The following RCOR2 variants were observed in gnomAD, a reference collection of about 807,000 sequenced individuals.
RCOR2 encodes the protein REST corepressor 2.
In RCOR2, 19 loss-of-function variants were observed where a neutral mutation model predicts 58.9. That is an observed-to-expected ratio of 0.32 (90% CI 0.23 to 0.47). The LOEUF is 0.47. Ranked by LOEUF, RCOR2 falls within the 20% of genes least tolerant of loss-of-function variation. RCOR2 has a pLI of 1.00. For synonymous variants in RCOR2, 286 were observed against 278.7 expected, an observed-to-expected ratio of 1.03 and a Z score of -0.26; for missense variants, 590 against 707.9, an observed-to-expected ratio of 0.83 and a Z score of 1.89.
intron 3 of RCOR2, 27 bp downstream of exon 3, chr11:63,915,151 C>G: frequency 2.6e-6 from 4 of 1,546,252 alleles, no homozygotes; most frequent in African/African-American, 1.4e-5. Context: ...CCCAAGCCCC[C>G]ACCTCCCAGG....
rs2134249262 is a variant in RCOR2 at position 63,916,730 on chromosome 11, T to C, written c.-274A>G. On this transcript the variant is annotated 5_prime_UTR_variant, in exon 1 of 12. Coordinates refer to ENST00000301459, the MANE Select transcript of RCOR2 (RefSeq NM_173587.4). ...CGCAAGGTCCGGTGCGGCTGGGGCG[T>C]GATTACTATGTACGCCCCTCAGGGT... The C allele has an allele frequency of 2.0e-6, 1 of 488,612 alleles. No homozygotes were observed. The highest frequency in any genetic ancestry group is 3.6e-6 in the Non-Finnish European group (1 of 277,140). 30.3% of individuals were successfully genotyped at this position (488,612 alleles called of 1,614,324 possible). A position where few individuals can be genotyped will look rare whatever the true frequency, so the allele number is the denominator to read the frequency against.
rs181079510 is a variant in RCOR2 at position 63,915,855 on chromosome 11, T to C, written c.128-244A>G. The stretch of plus-strand genomic sequence containing the variant: ...CTGGAGGGTGGACAAGGGGACAGTT[T>C]TAGAGCCCAGGCCAAGCAGGGTGCT... On this transcript the variant is annotated intron_variant, in intron 1 of 11. Transcript: ENST00000301459. Among the ~76,000 whole-genome samples, 6 of 152,282 alleles carry C rather than the reference T, an allele frequency of 3.9e-5. No individual in the cohort carries two copies. In the East Asian group the frequency reaches 1.2e-3, roughly 29 times the overall value.
intron 9 of RCOR2, 35 bp from the exon 10 acceptor site, chr11:63,912,768 A>G: frequency 6.2e-7 from 1 of 1,612,002 alleles, no homozygotes; most frequent in South Asian, 1.1e-5. Context: ...CTTTAGACTC[A>G]AAACCATGCA....
rs951974006 is a variant in RCOR2 at position 63,916,688 on chromosome 11, G to C, written c.-232C>G. 3.2e-6 allele frequency: 2 copies of C among 621,488 alleles called. No homozygotes were observed. Among genetic ancestry groups the C allele is most frequent in the Non-Finnish European group, 5.4e-6 (2 of 372,580 alleles). 38.5% of individuals were successfully genotyped at this position (621,488 alleles called of 1,614,324 possible). A position where few individuals can be genotyped will look rare whatever the true frequency, so the allele number is the denominator to read the frequency against. ...GTCAGAAAAGTTTGTGCAGAAGTGG[G>C]GGACGCAAGGGATGAGCGCAAGGTC... On this transcript the variant is annotated 5_prime_UTR_variant, in exon 1 of 12. Transcript: ENST00000301459.
chr11:63,915,798 G>A (rs1941848746), intron 1 of RCOR2, among the ~76,000 whole-genome samples, 187 bp from the exon 2 acceptor site: 1 of 152,198 alleles, frequency 6.6e-6, no homozygotes, highest in Non-Finnish European at 1.5e-5. Context: ...ACTGGAAGAG[G>A]AAAAGACCCT....
upstream of RCOR2, among the ~76,000 whole-genome samples, chr11:63,921,682 TAAC>T (rs1431992190): frequency 1.3e-5 from 2 of 151,918 alleles, no homozygotes; most frequent in Admixed American, 6.6e-5. Context: ...TGGAATGGAG[TAAC>T]AACATCAATG....
chr11:63,914,149 CA>C lies in RCOR2; in HGVS notation c.695del (p.Leu232ArgfsTer34). ...PKREPLPSRP[L>X]NARPGPGKKE... is the part of the protein sequence containing the mutation. ...TTTTCCCAGGGCCTGGGCGTGCATT[CA>C]GGGGCCGAGAGGGTAGAGGCTGCCA... On this transcript the variant is annotated frameshift_variant, in exon 8 of 12. Coordinates refer to ENST00000301459, the MANE Select transcript of RCOR2 (RefSeq NM_173587.4). LOFTEE classifies it high-confidence loss of function. 6.2e-7 allele frequency: 1 copy of C among 1,613,820 alleles called. No homozygotes were observed. Among genetic ancestry groups the C allele is most frequent in the Non-Finnish European group, 8.5e-7 (1 of 1,179,986 alleles).
chr11:63,921,051 A>C (rs1189095745), upstream of RCOR2, among the ~76,000 whole-genome samples: 6 of 152,228 alleles, frequency 3.9e-5, no homozygotes, highest in Admixed American at 3.9e-4. Flanking sequence ...AGGATGCAGC[A>C]GACCAGGCGC....
rs1399748298 is a variant in RCOR2 at position 63,916,533 on chromosome 11, G to A, written c.-77C>T. The A allele has an allele frequency of 4.0e-6, 6 of 1,513,038 alleles. No homozygotes were observed. The highest frequency in any genetic ancestry group is 5.3e-6 in the Non-Finnish European group (6 of 1,133,010). The allele number at this position is 1,513,038 out of a possible 1,614,324, so 93.7% of individuals were successfully genotyped here. On this transcript the variant is annotated 5_prime_UTR_variant, in exon 1 of 12. Coordinates refer to ENST00000301459, the MANE Select transcript of RCOR2 (RefSeq NM_173587.4). Reference sequence around the variant, plus strand: ...GGTTGCCGCACTCGCTCCGAGTGCCGAGCCCGGCCCGGCCTGGAGAGGTCG... The same window carrying A: ...GGTTGCCGCACTCGCTCCGAGTGCCAAGCCCGGCCCGGCCTGGAGAGGTCG...
chr11:63,914,908 A>G lies in RCOR2; in HGVS notation c.312T>C (p.Ile104=). 1 of 1,613,812 alleles carries G rather than the reference A, an allele frequency of 6.2e-7. No individual in the cohort carries two copies. The highest frequency in any genetic ancestry group is 1.1e-5 in the South Asian group (1 of 91,084). ...AMAKEKHGYN[I]EQALGMLLWH... is the part of the protein sequence containing the mutation. ...CCTGGGGGCCAAGGCTCACCTGCTCAATGTTGTAGCCATGCTTCTCCTTGG... is the reference window on the plus strand; with the variant it reads ...CCTGGGGGCCAAGGCTCACCTGCTCGATGTTGTAGCCATGCTTCTCCTTGG... Residue 104 remains isoleucine (I), a synonymous_variant, in exon 4 of 12, where the codon ATT becomes ATC. Transcript: ENST00000301459.
chr11:63,920,768 G>A (rs557175470), upstream of RCOR2, among the ~76,000 whole-genome samples: 8 of 152,148 alleles, frequency 5.3e-5, no homozygotes, highest in African/African-American at 1.9e-4. Flanking sequence ...ACAGGAATTC[G>A]GTTCCTCCCT....
intron 7 of RCOR2, 43 bp from the exon 8 acceptor site, chr11:63,914,212 GA>G (rs1476594593): frequency 6.2e-7 from 1 of 1,613,224 alleles, no homozygotes; most frequent in East Asian, 2.2e-5. Context: ...CAGAGCCAGA[GA>G]GAGGCAAGAG....
At chr11:63,915,058 G>A (rs781313812) in intron 3 of RCOR2, 104 bp from the exon 4 acceptor site, 15 of 1,541,378 alleles carry the variant, frequency 9.7e-6, no homozygotes, top group Middle Eastern at 1.7e-4. Context: ...CCCTGAACAC[G>A]AGCCCCAGGG....
chr11:63,923,335 A>C, the RCOR2 span, among the ~76,000 whole-genome samples: 1 of 148,736 alleles, frequency 6.7e-6, no homozygotes, highest in African/African-American at 2.5e-5. Context: ...CCCACTCCCA[A>C]CCCTCCCTTC....
At chr11:63,915,452 C>G in intron 2 of RCOR2, 103 bp downstream of exon 2, 1 of 1,309,222 alleles carries the variant, frequency 7.6e-7, no homozygotes, top group South Asian at 1.3e-5. Context: ...CCCTGCCAGC[C>G]TGCCCTTCCA....
upstream of RCOR2, among the ~76,000 whole-genome samples, chr11:63,919,360 G>C (rs1420357989): frequency 6.6e-6 from 1 of 152,022 alleles, no homozygotes; most frequent in Non-Finnish European, 1.5e-5. Context: ...AAGGACAAGG[G>C]GCCCCGGCCG....
In RCOR2 at chr11:63,916,616, C is replaced by T; in HGVS notation, c.-160G>A. The T allele has an allele frequency of 7.9e-6, 10 of 1,267,528 alleles. No individual in the cohort carries two copies. The highest frequency in any genetic ancestry group is 1.1e-5 in the Non-Finnish European group (10 of 949,682). 78.5% of individuals were successfully genotyped at this position (1,267,528 alleles called of 1,614,324 possible). On this transcript the variant is annotated 5_prime_UTR_variant, in exon 1 of 12. Transcript: ENST00000301459. ...TGGCTAGGGTCCGGCGGGGTGGGAGCCCACCTGGTAGCCCCAGCGCTCTCC... is the reference window on the plus strand; with the variant it reads ...TGGCTAGGGTCCGGCGGGGTGGGAGTCCACCTGGTAGCCCCAGCGCTCTCC...
At chr11:63,917,358 C>G (rs1177642021), upstream of RCOR2, among the ~76,000 whole-genome samples, 2 of 152,128 alleles carry the variant, frequency 1.3e-5, no homozygotes, top group Non-Finnish European at 2.9e-5. Flanking sequence ...GGGGGCTCCC[C>G]TCGCGTCCCT....
Position 63,913,491 on chromosome 11 carries a change from A to ATTTTTTTTTTTTTTT in RCOR2, c.891+462_891+463insAAAAAAAAAAAAAAA, listed in dbSNP as rs775816114. Among the ~76,000 whole-genome samples the ATTTTTTTTTTTTTTT allele has an allele frequency of 4.6e-4, 58 of 126,714 alleles. 6 individuals are homozygous for ATTTTTTTTTTTTTTT. Among genetic ancestry groups the ATTTTTTTTTTTTTTT allele is most frequent in the Middle Eastern group, 4.7e-3 (1 of 214 alleles). The allele number at this position is 126,714 out of a possible 152,430, so 83.1% of individuals were successfully genotyped here. A position where few individuals can be genotyped will look rare whatever the true frequency, so the allele number is the denominator to read the frequency against. On this transcript the variant is annotated intron_variant, in intron 8 of 11. Coordinates refer to ENST00000301459, the MANE Select transcript of RCOR2 (RefSeq NM_173587.4). ...AGGTATGAGCCACCGTGCTCGGCCT[A>ATTTTTTTTTTTTTTT]TTTTTTTTTGAGACGGAATCTCACT... is the stretch of plus-strand genomic sequence containing the variant.
Sources: gnomAD v4.1 joint callset for allele counts (sites outside exome capture counted in the v4.1 genomes callset) on GRCh38, gnomAD v4.1.1 for gene constraint, MANE v1.5 for transcripts, NCBI Gene and HGNC (gene_info 2026-07-23, HGNC 2026-07-21) for gene names.